HAUS2: variants seen among roughly 807,000 people sequenced by gnomAD.
HAUS2 encodes HAUS augmin like complex subunit 2.
In HAUS2, 20 loss-of-function variants were observed where a neutral mutation model predicts 21.6. That is an observed-to-expected ratio of 0.93 (90% confidence interval 0.65 to 1.35). The LOEUF (loss-of-function observed/expected upper bound fraction) is 1.35. Ranked by LOEUF, HAUS2 falls within the 40% of genes most tolerant of loss-of-function variation. The pLI, the probability that HAUS2 is intolerant of heterozygous loss-of-function variation, is 0.00. For missense variants in HAUS2, 297 were observed against 280.7 expected, an observed-to-expected ratio of 1.06 and a Z score of -0.42; for synonymous variants, 113 against 95.6, an observed-to-expected ratio of 1.18 and a Z score of -1.06.
intron 1 of HAUS2, among the ~76,000 whole-genome samples, chr15:42,551,108 G>T (rs2057721730): frequency 6.7e-6 from 1 of 149,024 alleles, no homozygotes. Context: ...CAATTCTCGT[G>T]CTCCCGAGTA....
chr15:42,562,874 C>G (rs1398648236), intron 4 of HAUS2, among the ~76,000 whole-genome samples: 4 of 152,090 alleles, frequency 2.6e-5, no homozygotes, highest in Non-Finnish European at 4.4e-5. Context: ...TTTGGGAGGC[C>G]AAGATGGGTT....
intron 3 of HAUS2, among the ~76,000 whole-genome samples, chr15:42,560,386 TAGAGAGAG>T (rs146328893): frequency 2.1e-5 from 3 of 145,292 alleles, no homozygotes; most frequent in South Asian, 2.2e-4. Context: ...CAGCAAAAAT[TAGAGAGAG>T]AGAGAGAGAG....
chr15:42,549,681 C>A (rs991596542), intron 1 of HAUS2, among the ~76,000 whole-genome samples: 1 of 150,324 alleles, frequency 6.7e-6, no homozygotes, highest in East Asian at 2.0e-4. Flanking sequence ...GATCTCCTGA[C>A]CTCGTGATCC....
rs370132180 is a variant in HAUS2 at position 42,563,871 on chromosome 15, T to G, written c.498+14T>G. ...CTAAAGAAAATGGTGAGTATTAATA[T>G]AGCAATCTTCAGTTATTTTTTACTA... On this transcript the variant is annotated intron_variant, in intron 5 of 5. Coordinates refer to ENST00000260372, the MANE Select transcript of HAUS2 (RefSeq NM_018097.3). The G allele has an allele frequency of 1.8e-6, 2 of 1,139,848 alleles. No individual in the cohort carries two copies. Among genetic ancestry groups the G allele is most frequent in the South Asian group, 2.6e-5 (2 of 76,440 alleles). 70.6% of individuals were successfully genotyped at this position (1,139,848 alleles called of 1,614,324 possible).
At chr15:42,561,730 G>A (rs1488185131) in intron 4 of HAUS2, 3 of 209,292 alleles carry the variant, frequency 1.4e-5, no homozygotes, top group African/African-American at 6.9e-5. Flanking sequence ...AGTTAATGTT[G>A]CCTATATGTA....
intron 1 of HAUS2, among the ~76,000 whole-genome samples, chr15:42,549,394 G>A (rs2057696433): frequency 6.6e-6 from 1 of 151,984 alleles, no homozygotes; most frequent in Non-Finnish European, 1.5e-5. Flanking sequence ...GAGGTGCTGG[G>A]TAGAGAAGAG....
intron 1 of HAUS2, among the ~76,000 whole-genome samples, chr15:42,550,248 C>T (rs1276300966): frequency 1.4e-5 from 2 of 140,574 alleles, no homozygotes; most frequent in East Asian, 4.1e-4. Flanking sequence ...GGCCACTGCA[C>T]TTAGCCTGGG....
At position 42,563,817 on chromosome 15, in the gene HAUS2, T is replaced by C; in HGVS notation, c.458T>C (p.Ile153Thr). 5.8e-6 allele frequency: 9 copies of C among 1,564,676 alleles called. No individual in the cohort carries two copies. Among genetic ancestry groups the C allele is most frequent in the Non-Finnish European group, 7.9e-6 (9 of 1,141,570 alleles). ...IERLETHLET[I>T]RNIPHLAANL... ...AGATTAGAAACCCACCTTGAAACAA[T>C]TAGAAATATTCCTCATTTAGCTGCA... The change falls in exon 5 of 6, where the codon ATT (isoleucine) becomes ACT (threonine). Residue 153 changes from isoleucine (I) to threonine (T), a missense_variant. Physicochemically the swap from Ile to Thr is moderately conservative, Grantham distance 89. Transcript: ENST00000260372.
At chr15:42,565,928 C>T (rs1019912345) in intron 5 of HAUS2, among the ~76,000 whole-genome samples, 2 of 152,092 alleles carry the variant, frequency 1.3e-5, no homozygotes, top group African/African-American at 2.4e-5. Context: ...GTGGGCTGGG[C>T]GCAATGGCTC....
chr15:42,556,488 C>G (rs184485139), intron 1 of HAUS2, among the ~76,000 whole-genome samples: 182 of 151,438 alleles, frequency 1.2e-3, no homozygotes, highest in African/African-American at 4.2e-3. Flanking sequence ...TGGTCTTGAA[C>G]TCCTGACCTC....
In HAUS2 at chr15:42,548,877, C is replaced by T. The variant is rs1392452970; in HGVS notation, c.5C>T (p.Ala2Val). 10 of 1,548,824 alleles carry T rather than the reference C, an allele frequency of 6.5e-6. No homozygotes were observed. Among genetic ancestry groups the T allele is most frequent in the South Asian group, 6.0e-5 (5 of 83,980 alleles). The change falls in exon 1 of 6, where the codon GCC becomes GTC. Residue 2 changes from alanine (A) to valine (V), a missense_variant. Transcript: ENST00000260372. ...CGCGGAAGGTGCGTCCGAGCCATGG[C>T]CGCTGCCAACCCGTGGGACCCGGCG... is the stretch of plus-strand genomic sequence containing the variant. M[A>V]AANPWDPASA... is the part of the protein sequence containing the mutation.
intron 1 of HAUS2, among the ~76,000 whole-genome samples, chr15:42,555,638 C>T (rs1182698726): frequency 1.3e-5 from 2 of 152,110 alleles, no homozygotes; most frequent in African/African-American, 4.8e-5. Context: ...TGTTTTTGAT[C>T]TTTCTATCTA....
chr15:42,550,284 G>GAAAAAA (rs61442261), intron 1 of HAUS2, among the ~76,000 whole-genome samples: 9 of 98,368 alleles, frequency 9.1e-5, no homozygotes, highest in Non-Finnish European at 1.9e-4. Flanking sequence ...CTGTCTCAGG[G>GAAAAAA]AAAAAAAAAA....
chr15:42,562,274 T>G (rs901462213), intron 4 of HAUS2, among the ~76,000 whole-genome samples: 1 of 152,156 alleles, frequency 6.6e-6, no homozygotes, highest in African/African-American at 2.4e-5. Context: ...AGGAAAATAA[T>G]AGATATACAA....
intron 1 of HAUS2, among the ~76,000 whole-genome samples, chr15:42,554,839 G>A (rs959178614): frequency 1.3e-5 from 2 of 150,168 alleles, no homozygotes; most frequent in Non-Finnish European, 3.0e-5. Context: ...CTTCCCCGCC[G>A]CCGCTGAGAC....
At chr15:42,560,496 C>CT (rs1045376588) in intron 3 of HAUS2, among the ~76,000 whole-genome samples, 9 of 151,956 alleles carry the variant, frequency 5.9e-5, no homozygotes, top group African/African-American at 2.2e-4. Context: ...GTTCACCAAG[C>CT]TTTTTTTGAA....
intron 4 of HAUS2, 36 bp downstream of exon 4, chr15:42,561,438 G>GT: frequency 7.0e-7 from 1 of 1,425,418 alleles, no homozygotes; most frequent in Non-Finnish European, 9.8e-7. Flanking sequence ...AGTTACACCT[G>GT]TTTTCTGAGT....
At position 42,563,781 on chromosome 15, in the gene HAUS2, C is replaced by T. The variant is rs1236141911; in HGVS notation, c.422C>T (p.Thr141Ile). The change falls in exon 5 of 6, where the codon ACT (threonine) becomes ATT (isoleucine). Residue 141 changes from threonine to isoleucine, a missense_variant. Physicochemically the swap from Thr to Ile is moderately conservative, Grantham distance 89. Coordinates refer to ENST00000260372, the MANE Select transcript of HAUS2 (RefSeq NM_018097.3). ...GTACATTTGCTGGAGTTGGCTGTGA[C>T]TTTCATTGAGAGATTAGAAACCCAC... ...YMVHLLELAV[T>I]FIERLETHLE... The T allele has an allele frequency of 6.3e-7, 1 of 1,577,662 alleles. No individual in the cohort carries two copies. Among genetic ancestry groups the T allele is most frequent in the Admixed American group, 1.7e-5 (1 of 58,194 alleles).
rs1240505684 is a variant in HAUS2, at chr15:42,557,355, ATATATATTTTATATATAT to A, written c.94-825_94-808del. Among the ~76,000 whole-genome samples the A allele has an allele frequency of 1.1e-4, 3 of 27,914 alleles. 1 individual carries two copies. The highest frequency in any genetic ancestry group is 3.6e-4 in the African/African-American group (3 of 8,260). The allele number at this position is 27,914 out of a possible 152,430, so 18.3% of individuals were successfully genotyped here. The stretch of plus-strand genomic sequence containing the variant: ...ATATATAATATATATTTTATATATA[ATATATATTTTATATATAT>A]TATATATTTTATATATAATATATAT... On this transcript the variant is annotated intron_variant, in intron 1 of 5. Transcript: ENST00000260372.
Sources: allele counts gnomAD v4.1 joint callset (sites outside exome capture counted in the v4.1 genomes callset), GRCh38; gene constraint gnomAD v4.1.1; transcripts MANE v1.5; gene names NCBI Gene and HGNC (gene_info 2026-07-23, HGNC 2026-07-21).